LRRC9: variants seen among roughly 807,000 people sequenced by gnomAD.
The protein encoded by LRRC9 is leucine rich repeat containing 9.
Under a neutral mutation model 63.2 loss-of-function variants are expected in LRRC9, and 122 were observed. The ratio of observed to expected loss-of-function variants is 1.93; its 90% CI spans 1.67 to 2.24. The LOEUF (loss-of-function observed/expected upper bound fraction) is 2.24. Among genes scored for constraint, LRRC9 ranks in the 30% most tolerant of loss-of-function variants. The pLI is 0.00. For missense variants in LRRC9, 1,071 were observed against 627.7 expected (o/e 1.71, Z -7.55); for synonymous variants, 366 against 213.1 (o/e 1.72, Z -6.25).
chr14:60,057,653 GA>G (rs34584505), intron 30 of LRRC9: 4,867 of 221,504 alleles, frequency 0.022, no homozygotes, highest in Middle Eastern at 0.045. Flanking sequence ...AATGCAGTCT[GA>G]AAAAAAAAAA....
chr14:60,023,970 T>G (rs1156404140), intron 27 of LRRC9, among the ~76,000 whole-genome samples: 1 of 152,118 alleles, frequency 6.6e-6, no homozygotes, highest in East Asian at 1.9e-4. Context: ...ACAAAGGACA[T>G]GAACTCATTC....
chr14:59,976,438 A>G (rs1886293195), intron 13 of LRRC9, among the ~76,000 whole-genome samples: 1 of 152,144 alleles, frequency 6.6e-6, no homozygotes, highest in East Asian at 1.9e-4. Context: ...TAGGTTCCAG[A>G]TTGCTAAGGT....
intron 12 of LRRC9, among the ~76,000 whole-genome samples, chr14:59,972,336 C>T (rs932232294): frequency 5.3e-5 from 8 of 152,250 alleles, no homozygotes; most frequent in Middle Eastern, 3.4e-3. Flanking sequence ...AGATGATTTA[C>T]TTAACAAATC....
At chr14:59,975,501 A>G (rs1242633484) in intron 13 of LRRC9, among the ~76,000 whole-genome samples, 1 of 151,430 alleles carries the variant, frequency 6.6e-6, no homozygotes, top group East Asian at 1.9e-4. Context: ...TCTGGGAGAA[A>G]CTCCCTGGTA....
At chr14:59,981,717 T>G (rs1886948525) in intron 15 of LRRC9, 131 bp from the exon 16 acceptor site, 1 of 607,724 alleles carries the variant, frequency 1.6e-6, no homozygotes, top group Admixed American at 2.9e-5. Context: ...GATGTCCTAA[T>G]GTGATTCTGA....
chr14:59,981,799 A>G, intron 15 of LRRC9, 49 bp from the exon 16 acceptor site: 1 of 651,350 alleles, frequency 1.5e-6, no homozygotes. Flanking sequence ...GTTTTTCAAA[A>G]TGATAAATAC....
chr14:60,048,376 AATAG>A (rs749557882), intron 29 of LRRC9, among the ~76,000 whole-genome samples: 31 of 152,150 alleles, frequency 2.0e-4, no homozygotes, highest in Non-Finnish European at 3.8e-4. Flanking sequence ...AAATTAATAA[AATAG>A]ATAGACTGCT....
At chr14:60,018,501 CTT>C (rs758227050) in intron 25 of LRRC9, 22 bp downstream of exon 25, 132 of 679,584 alleles carry the variant, frequency 1.9e-4, no homozygotes, top group African/African-American at 1.7e-3. Context: ...ACAAATTTTT[CTT>C]TCTTTCAAGG....
intron 17 of LRRC9, among the ~76,000 whole-genome samples, chr14:59,994,473 A>C (rs1183927586): frequency 6.6e-6 from 1 of 152,000 alleles, no homozygotes; most frequent in African/African-American, 2.4e-5. Flanking sequence ...GGGATCTAGA[A>C]CTAGAAATAC....
chr14:60,009,333 A>G (rs1030026071), intron 23 of LRRC9, among the ~76,000 whole-genome samples: 5 of 152,226 alleles, frequency 3.3e-5, no homozygotes, highest in African/African-American at 1.2e-4. Flanking sequence ...TCACAATCAT[A>G]GTGGAAGACA....
rs930691581 is a variant in LRRC9 at position 59,942,180 on chromosome 14, G to C, written c.727-2409G>C. 6.6e-6 allele frequency among the ~76,000 whole-genome samples: 1 copy of C among 152,070 alleles called. No individual in the cohort carries two copies. Among genetic ancestry groups the C allele is most frequent in the African/African-American group, 2.4e-5 (1 of 41,394 alleles). On this transcript the variant is annotated intron_variant, in intron 7 of 31. Transcript: ENST00000445360. The surrounding 1 kb of genome is among the most constrained non-coding windows in gnomAD (Gnocchi z 5.3). ...ATGGTTAAATAGTATTCCATCATGTGTATACACATATGTGTGTGTGTAATG... is the reference window on the plus strand; with the variant it reads ...ATGGTTAAATAGTATTCCATCATGTCTATACACATATGTGTGTGTGTAATG...
chr14:60,022,704 T>G lies in LRRC9; in HGVS notation c.3567-30T>G, dbSNP rs1167456250. The G allele has an allele frequency of 5.4e-6, 3 of 554,510 alleles. No homozygotes were observed. In the Admixed American group the frequency reaches 8.5e-5, roughly 16 times the overall value. The allele number at this position is 554,510 out of a possible 1,614,324, so 34.3% of individuals were successfully genotyped here. A position where few individuals can be genotyped will look rare whatever the true frequency, so the allele number is the denominator to read the frequency against. ...AATATAGCTGGTTTGAAGTTAAGTTTATGGCCTCAAACTTACCTATGTGTT... is the reference window on the plus strand; with the variant it reads ...AATATAGCTGGTTTGAAGTTAAGTTGATGGCCTCAAACTTACCTATGTGTT... On this transcript the variant is annotated intron_variant, in intron 26 of 31. Transcript: ENST00000445360.
rs1332405889 is a variant in LRRC9 at position 59,923,956 on chromosome 14, TAAC to T, written c.-33-3946_-33-3944del. On this transcript the variant is annotated intron_variant, in intron 1 of 31. Coordinates refer to ENST00000445360, the Ensembl canonical transcript of LRRC9. This position sits in a 1 kb window ranked among gnomAD's most constrained non-coding sequence, Gnocchi z 4.2. ...GCAAGACTCCGTCTTAAAACAACAA[TAAC>T]AACAACAAAAAACAGATACTCGTGC... 6.6e-6 allele frequency among the ~76,000 whole-genome samples: 1 copy of T among 151,852 alleles called. No individual in the cohort carries two copies. Among genetic ancestry groups the T allele is most frequent in the African/African-American group, 2.4e-5 (1 of 41,312 alleles).
Position 60,011,595 on chromosome 14 carries a change from T to C in LRRC9, c.3186+3381T>C, listed in dbSNP as rs545629123. ...GTTTGCATTTTACTATTTGATTATATGTGTTTCCTGTAAGCTGCCACAAAT... is the reference window on the plus strand; with the variant it reads ...GTTTGCATTTTACTATTTGATTATACGTGTTTCCTGTAAGCTGCCACAAAT... On this transcript the variant is annotated intron_variant, in intron 23 of 31. Coordinates refer to ENST00000445360, the Ensembl canonical transcript of LRRC9. 2.6e-5 allele frequency among the ~76,000 whole-genome samples: 4 copies of C among 152,348 alleles called. No individual in the cohort carries two copies. The South Asian group carries it at 8.3e-4, about 32-fold the overall frequency.
intron 17 of LRRC9, among the ~76,000 whole-genome samples, chr14:59,993,855 A>T (rs1594968435): frequency 6.6e-6 from 1 of 152,184 alleles, no homozygotes; most frequent in South Asian, 2.1e-4. Context: ...CTCCCACACA[A>T]TAATAATGGG....
chr14:59,971,006 G>A lies in LRRC9; in HGVS notation c.1507-3570G>A, dbSNP rs185247589. 5.9e-5 allele frequency among the ~76,000 whole-genome samples: 9 copies of A among 152,086 alleles called. No homozygotes were observed. In the East Asian group the frequency reaches 7.7e-4, roughly 13 times the overall value. On this transcript the variant is annotated intron_variant, in intron 12 of 31. Coordinates refer to ENST00000445360, the Ensembl canonical transcript of LRRC9. ...TCATGTAGTATTTGCCCATTCCTAC[G>A]TCCAGAATGGTATTGCCTATGTTGT...
chr14:59,996,279 G>A (rs950298093), intron 17 of LRRC9, among the ~76,000 whole-genome samples: 1 of 152,038 alleles, frequency 6.6e-6, no homozygotes, highest in Non-Finnish European at 1.5e-5. Context: ...GATAGGAAGT[G>A]ATAGTTTTTG....
intron 1 of LRRC9, among the ~76,000 whole-genome samples, chr14:59,921,978 G>A (rs1888820943): frequency 6.6e-6 from 1 of 151,958 alleles, no homozygotes; most frequent in East Asian, 1.9e-4. Flanking sequence ...CAGCTACTTG[G>A]GAGGCTGAGG....
chr14:60,018,994 T>A, intron 25 of LRRC9, 127 bp from the exon 26 acceptor site: 2 of 463,132 alleles, frequency 4.3e-6, no homozygotes, highest in Non-Finnish European at 7.6e-6. Context: ...TCTAGATTAT[T>A]TAGGATATAA....
Sources: gnomAD v4.1 joint callset for allele counts (sites outside exome capture counted in the v4.1 genomes callset) on GRCh38, gnomAD v4.1.1 for gene constraint, Gnocchi (gnomAD v3.1) non-coding constraint, MANE v1.5 for transcripts, NCBI Gene and HGNC (gene_info 2026-07-23, HGNC 2026-07-21) for gene names.